MAGI2: variants seen among roughly 807,000 people sequenced by gnomAD.
The protein encoded by MAGI2 is membrane associated guanylate kinase, WW and PDZ domain containing 2.
MAGI2 carries 35 observed loss-of-function variants against 133.3 expected under a neutral mutation model. The observed-to-expected ratio is 0.26, with a 90% CI of 0.20 to 0.35. The LOEUF is 0.35. Among genes scored for constraint, MAGI2 ranks in the 10% least tolerant of loss-of-function variants. MAGI2 has a pLI of 1.00. For missense variants in MAGI2, 1,636 were observed against 1,863.4 expected, an observed-to-expected ratio of 0.88 and a Z score of 2.25; for synonymous variants, 729 against 710.6, an observed-to-expected ratio of 1.03 and a Z score of -0.41.
chr7:78,499,655 G>T (rs200164779), intron 5 of MAGI2, among the ~76,000 whole-genome samples: 2 of 147,434 alleles, frequency 1.4e-5, no homozygotes, highest in African/African-American at 5.0e-5. Flanking sequence ...ACACAAAAAA[G>T]GTTTTTATTA....
At chr7:78,890,143 A>G (rs1000597903) in intron 2 of MAGI2, among the ~76,000 whole-genome samples, 2 of 152,224 alleles carry the variant, frequency 1.3e-5, no homozygotes, top group African/African-American at 4.8e-5. Context: ...CCATTACATA[A>G]TGGTAAAGGG....
intron 16 of MAGI2, among the ~76,000 whole-genome samples, chr7:78,152,063 G>A (rs1823931127): frequency 6.6e-6 from 1 of 152,104 alleles, no homozygotes; most frequent in Admixed American, 6.6e-5. Flanking sequence ...CACATGAAAA[G>A]TGAAATGACT....
At chr7:78,947,751 G>T in intron 2 of MAGI2, among the ~76,000 whole-genome samples, 1 of 151,874 alleles carries the variant, frequency 6.6e-6, no homozygotes, top group East Asian at 1.9e-4. Flanking sequence ...TGCTAGCTTG[G>T]GATAAAATAA....
intron 1 of MAGI2, among the ~76,000 whole-genome samples, chr7:79,278,132 T>C (rs1010816455): frequency 3.9e-4 from 60 of 152,126 alleles, no homozygotes; most frequent in African/African-American, 1.4e-3. Context: ...TTGCACCATC[T>C]CCTTGGTGAT....
At chr7:78,059,760 C>CATAT (rs756668407) in intron 21 of MAGI2, among the ~76,000 whole-genome samples, 6 of 114,252 alleles carry the variant, frequency 5.3e-5, no homozygotes, top group Admixed American at 1.9e-4. Flanking sequence ...GGAACAATGC[C>CATAT]ATATATATAT....
intron 1 of MAGI2, among the ~76,000 whole-genome samples, chr7:79,118,761 C>T (rs959779177): frequency 5.3e-5 from 8 of 152,020 alleles, no homozygotes; most frequent in African/African-American, 1.9e-4. Context: ...CCCTCATGAC[C>T]TCCTCCCTGA....
chr7:78,763,219 A>G (rs1824689790), intron 2 of MAGI2, among the ~76,000 whole-genome samples: 1 of 152,216 alleles, frequency 6.6e-6, no homozygotes, highest in Non-Finnish European at 1.5e-5. Flanking sequence ...ACTCTAATGA[A>G]TCAATCATAA....
intron 1 of MAGI2, among the ~76,000 whole-genome samples, chr7:79,418,389 C>T (rs1019319899): frequency 5.3e-5 from 8 of 152,038 alleles, no homozygotes; most frequent in Admixed American, 2.0e-4. Flanking sequence ...AGCAGTTCAA[C>T]GGGGATAACT....
At chr7:78,641,614 G>C (rs1183608735) in intron 2 of MAGI2, among the ~76,000 whole-genome samples, 1 of 152,160 alleles carries the variant, frequency 6.6e-6, no homozygotes, top group Admixed American at 6.5e-5. Flanking sequence ...GCCAGCATTT[G>C]AGTGCACTAC....
chr7:78,461,387 TGTGTGC>T (rs1263885419), intron 6 of MAGI2, among the ~76,000 whole-genome samples: 104 of 122,506 alleles, frequency 8.5e-4, no homozygotes, highest in African/African-American at 3.2e-3. Flanking sequence ...TGGACACGTG[TGTGTGC>T]GTGTGTGTGT....
At chr7:78,163,953 T>A (rs1825366001) in intron 15 of MAGI2, among the ~76,000 whole-genome samples, 1 of 151,144 alleles carries the variant, frequency 6.6e-6, no homozygotes, top group South Asian at 2.1e-4. Flanking sequence ...AATAGGGAGA[T>A]TTTTATAGAA....
At chr7:78,833,813 C>T (rs866706253) in intron 2 of MAGI2, among the ~76,000 whole-genome samples, 4 of 152,150 alleles carry the variant, frequency 2.6e-5, no homozygotes, top group South Asian at 2.1e-4. Flanking sequence ...GTGCTACCTG[C>T]TTCCTATCCA....
intron 1 of MAGI2, among the ~76,000 whole-genome samples, chr7:79,402,868 TAG>T (rs539919054): frequency 5.3e-5 from 8 of 152,304 alleles, no homozygotes; most frequent in Admixed American, 6.5e-5. Flanking sequence ...GGTAATATTA[TAG>T]AGTGAATAAA....
At chr7:78,436,367 G>T (rs900263782) in intron 6 of MAGI2, among the ~76,000 whole-genome samples, 1 of 152,034 alleles carries the variant, frequency 6.6e-6, no homozygotes, top group Non-Finnish European at 1.5e-5. Context: ...GACATAGAGA[G>T]CCCTGAAGAG....
chr7:78,845,318 A>G (rs6951989), intron 2 of MAGI2, among the ~76,000 whole-genome samples: 10,097 of 151,988 alleles, frequency 0.066, 382 homozygotes, highest in Middle Eastern at 0.097. Flanking sequence ...TCTGGGTCAG[A>G]ATATAAACTG....
chr7:78,299,763 C>CTGTTGAGAAA (rs1456188436), intron 9 of MAGI2, among the ~76,000 whole-genome samples: 88 of 152,252 alleles, frequency 5.8e-4, no homozygotes, highest in African/African-American at 2.1e-3. Context: ...CTCTCAACCC[C>CTGTTGAGAAA]CACCCTCCAA....
chr7:79,227,362 T>C (rs1005384358), intron 1 of MAGI2, among the ~76,000 whole-genome samples: 1 of 152,204 alleles, frequency 6.6e-6, no homozygotes, highest in Non-Finnish European at 1.5e-5. Flanking sequence ...ATATATTCCA[T>C]GGCAGGGACA....
intron 1 of MAGI2, among the ~76,000 whole-genome samples, chr7:79,399,885 T>C (rs2129161285): frequency 6.6e-6 from 1 of 152,316 alleles, no homozygotes; most frequent in African/African-American, 2.4e-5. Flanking sequence ...GATTGTTCAT[T>C]TGTGTTAATC....
intron 1 of MAGI2, among the ~76,000 whole-genome samples, chr7:79,346,208 T>G (rs1841302299): frequency 6.6e-6 from 1 of 152,026 alleles, no homozygotes; most frequent in Non-Finnish European, 1.5e-5. Flanking sequence ...TATGAGTCCT[T>G]CCTTCAGCTC....
Sources: gnomAD v4.1 joint callset for allele counts (sites outside exome capture counted in the v4.1 genomes callset) on GRCh38, gnomAD v4.1.1 for gene constraint, MANE v1.5 for transcripts, NCBI Gene and HGNC (gene_info 2026-07-23, HGNC 2026-07-21) for gene names.